Variants in TBL1XR1 observed in about 807,000 individuals in gnomAD.
The protein encoded by TBL1XR1 is F-box-like/WD repeat-containing protein TBL1XR1.
In TBL1XR1, 5 loss-of-function variants were observed where a neutral mutation model predicts 66.9. The ratio of observed to expected loss-of-function variants is 0.07; its 90% CI spans 0.04 to 0.16. The LOEUF (loss-of-function observed/expected upper bound fraction) is 0.16. Among genes scored for constraint, TBL1XR1 ranks in the 10% least tolerant of loss-of-function variants. TBL1XR1 has a pLI of 1.00. For missense variants in TBL1XR1, 238 were observed against 623.2 expected (o/e 0.38, Z 6.58); for synonymous variants, 210 against 206.0 (o/e 1.02, Z -0.17).
intron 1 of TBL1XR1, among the ~76,000 whole-genome samples, chr3:177,191,564 A>G (rs150079335): frequency 5.3e-5 from 8 of 152,340 alleles, no homozygotes; most frequent in Admixed American, 5.2e-4. Context: ...GACTATTAGC[A>G]AAGTGAACAC....
At chr3:177,070,060 G>A (rs1406510301) in intron 2 of TBL1XR1, among the ~76,000 whole-genome samples, 1 of 152,160 alleles carries the variant, frequency 6.6e-6, no homozygotes, top group Non-Finnish European at 1.5e-5. Flanking sequence ...TTTATTTGAT[G>A]ATAGGGAACA....
Position 177,038,427 on chromosome 3 carries a change from T to G in TBL1XR1, c.933A>C (p.Ala311=). 1 of 1,548,414 alleles carries G rather than the reference T, an allele frequency of 6.5e-7. No homozygotes were observed. Among genetic ancestry groups the G allele is most frequent in the Non-Finnish European group, 8.7e-7 (1 of 1,146,422 alleles). Residue 311 remains alanine (A), a synonymous_variant, in exon 11 of 16, where the codon GCA becomes GCC. Transcript: ENST00000457928. ...KQQFPFHSAP[A]LDVDWQSNNT... ...TGTTGCTCTGCCAATCAACATCCAA[T>G]GCTGGTGCTGCAAAGGAACAAAGGT...
At chr3:177,101,728 T>A (rs556816175) in intron 1 of TBL1XR1, among the ~76,000 whole-genome samples, 37 of 152,326 alleles carry the variant, frequency 2.4e-4, no homozygotes, top group Non-Finnish European at 5.0e-4. Flanking sequence ...ACCCAGTCTA[T>A]GGTATTCTGT....
At chr3:177,061,269 T>C (rs1718481678) in intron 3 of TBL1XR1, among the ~76,000 whole-genome samples, 1 of 152,204 alleles carries the variant, frequency 6.6e-6, no homozygotes, top group Non-Finnish European at 1.5e-5. Context: ...TGAGAATTTA[T>C]GTAATTTTGG....
At chr3:177,100,806 T>C (rs1172572567) in intron 1 of TBL1XR1, among the ~76,000 whole-genome samples, 2 of 152,112 alleles carry the variant, frequency 1.3e-5, no homozygotes, top group South Asian at 4.1e-4. Context: ...TAATAGCAAG[T>C]GAAGAGTTCG....
At chr3:177,073,061 T>C (rs1006689510) in intron 2 of TBL1XR1, among the ~76,000 whole-genome samples, 5 of 152,038 alleles carry the variant, frequency 3.3e-5, no homozygotes, top group Admixed American at 3.3e-4. Context: ...GAGAGTTTGA[T>C]TTCAAAAAAA....
chr3:177,100,295 G>C (rs999732595), intron 1 of TBL1XR1, among the ~76,000 whole-genome samples: 1 of 152,164 alleles, frequency 6.6e-6, no homozygotes, highest in African/African-American at 2.4e-5. Context: ...TTTATTTACA[G>C]TGCTATAATA....
intron 1 of TBL1XR1, among the ~76,000 whole-genome samples, chr3:177,131,736 G>A (rs1339791238): frequency 2.6e-5 from 4 of 151,676 alleles, no homozygotes; most frequent in African/African-American, 9.7e-5. Context: ...TCCTGGCCTC[G>A]AGTGATCCAC....
At chr3:177,153,751 C>T (rs1275123297) in intron 1 of TBL1XR1, among the ~76,000 whole-genome samples, 5 of 151,790 alleles carry the variant, frequency 3.3e-5, no homozygotes, top group Non-Finnish European at 5.9e-5. Context: ...GTGGCACGCG[C>T]CTGTAATCCC....
chr3:177,170,584 G>A (rs1046548684), intron 1 of TBL1XR1, among the ~76,000 whole-genome samples: 1 of 152,114 alleles, frequency 6.6e-6, no homozygotes, highest in Non-Finnish European at 1.5e-5. Context: ...ATCGGGTGGG[G>A]AGAAAAAGGT....
chr3:177,152,080 G>T (rs1018239219), intron 1 of TBL1XR1, among the ~76,000 whole-genome samples: 9 of 152,124 alleles, frequency 5.9e-5, no homozygotes, highest in Non-Finnish European at 1.2e-4. Context: ...ATTCAAATGG[G>T]TAACAGTATG....
Position 177,050,081 on chromosome 3 carries a change from A to G in TBL1XR1, c.618T>C (p.Ser206=). The stretch of plus-strand genomic sequence containing the variant: ...TACAATGTCTAAGTACTAACTGTGT[A>G]GAGCCACTGGTGCTGTTCTCACTAA... The part of the protein sequence containing the change: ...WNLSENSTSG[S]TQLVLRHCIR... The change falls in exon 7 of 16, where the codon TCT becomes TCC. Residue 206 remains serine, a synonymous_variant. Transcript: ENST00000457928. The G allele has an allele frequency of 6.2e-7, 1 of 1,613,760 alleles. No individual in the cohort carries two copies.
At chr3:177,173,187 CAAACAAAACA>C (rs768864920) in intron 1 of TBL1XR1, among the ~76,000 whole-genome samples, 6 of 152,088 alleles carry the variant, frequency 3.9e-5, no homozygotes, top group South Asian at 2.1e-4. Flanking sequence ...AACTCCATCT[CAAACAAAACA>C]AAACAAAACA....
chr3:177,089,900 G>C (rs1401179779), intron 2 of TBL1XR1, among the ~76,000 whole-genome samples: 1 of 152,176 alleles, frequency 6.6e-6, no homozygotes, highest in Non-Finnish European at 1.5e-5. Flanking sequence ...GAACCATAGT[G>C]AAATACTATT....
At chr3:177,117,832 G>A (rs1402135637) in intron 1 of TBL1XR1, among the ~76,000 whole-genome samples, 1 of 152,162 alleles carries the variant, frequency 6.6e-6, no homozygotes, top group Non-Finnish European at 1.5e-5. Context: ...GGGCAAAGAA[G>A]CAGTATTAAA....
chr3:177,045,293 C>A (rs147053796), intron 10 of TBL1XR1, among the ~76,000 whole-genome samples: 20 of 152,158 alleles, frequency 1.3e-4, no homozygotes, highest in African/African-American at 4.6e-4. Flanking sequence ...ACAACAAAAT[C>A]AAAGAGACAG....
chr3:177,075,191 T>C (rs878919278), intron 2 of TBL1XR1, among the ~76,000 whole-genome samples: 1 of 152,226 alleles, frequency 6.6e-6, no homozygotes, highest in Non-Finnish European at 1.5e-5. Context: ...TCTTCCAGCT[T>C]CGGTAGCACC....
intron 1 of TBL1XR1, chr3:177,110,931 C>A (rs1390170925): frequency 1.3e-5 from 2 of 152,154 alleles, no homozygotes; most frequent in Non-Finnish European, 2.9e-5. Context: ...ATGATTTTCA[C>A]CCCCTTGATC....
chr3:177,104,970 GTTGGT>G (rs1724691188), intron 1 of TBL1XR1, among the ~76,000 whole-genome samples: 1 of 152,158 alleles, frequency 6.6e-6, no homozygotes, highest in South Asian at 2.1e-4. Context: ...AAAATTAAAG[GTTGGT>G]TTGAACAGTT....
Sources: gnomAD v4.1 joint callset for allele counts (sites outside exome capture counted in the v4.1 genomes callset) on GRCh38, gnomAD v4.1.1 for gene constraint, MANE v1.5 for transcripts, NCBI Gene and HGNC (gene_info 2026-07-23, HGNC 2026-07-21) for gene names.